ITGBL1: variants seen among roughly 807,000 people sequenced by gnomAD.
ITGBL1 encodes integrin subunit beta like 1.
ITGBL1 carries 51 observed loss-of-function variants against 68.5 expected under a neutral mutation model. That is an observed-to-expected ratio of 0.74 (90% CI 0.59 to 0.94). The LOEUF is 0.94. Ranked by LOEUF, ITGBL1 falls within the 40% of genes least tolerant of loss-of-function variation. The pLI, the probability that ITGBL1 is intolerant of heterozygous loss-of-function variation, is 0.00. For synonymous variants in ITGBL1, 209 were observed against 227.3 expected, an observed-to-expected ratio of 0.92 and a Z score of 0.72; for missense variants, 649 against 647.4, an observed-to-expected ratio of 1.00 and a Z score of -0.03.
chr13:101,526,761 T>C (rs1449699826), intron 2 of ITGBL1, among the ~76,000 whole-genome samples: 1 of 152,066 alleles, frequency 6.6e-6, no homozygotes, highest in African/African-American at 2.4e-5. Context: ...AATATATTTT[T>C]ATGTTTATTC....
rs61628015 is a variant in ITGBL1 at position 101,471,394 on chromosome 13, A to T, written c.316+17294A>T. 4.8e-3 allele frequency among the ~76,000 whole-genome samples: 728 copies of T among 152,262 alleles called. 26 individuals carry two copies. In the East Asian group the frequency reaches 0.1, roughly 22 times the overall value. On this transcript the variant is annotated intron_variant, in intron 2 of 10. Transcript: ENST00000376180. ...TTATATACTCCTCAAGGGCAGGAATAGTATCTGATTTTCTGTAAGATTTTC... is the reference window on the plus strand; with the variant it reads ...TTATATACTCCTCAAGGGCAGGAATTGTATCTGATTTTCTGTAAGATTTTC...
chr13:101,603,180 T>C (rs2030493945), intron 7 of ITGBL1, among the ~76,000 whole-genome samples: 1 of 152,000 alleles, frequency 6.6e-6, no homozygotes, highest in Non-Finnish European at 1.5e-5. Flanking sequence ...AGTACCATTT[T>C]ACATTCCACC....
intron 8 of ITGBL1, among the ~76,000 whole-genome samples, chr13:101,699,582 T>A (rs577614265): frequency 2.0e-5 from 3 of 152,202 alleles, no homozygotes; most frequent in Non-Finnish European, 4.4e-5. Context: ...CCTGCCATCA[T>A]GTGACGAAGG....
intron 7 of ITGBL1, among the ~76,000 whole-genome samples, chr13:101,598,889 T>G (rs1458861035): frequency 2.6e-5 from 4 of 152,170 alleles, no homozygotes; most frequent in Non-Finnish European, 4.4e-5. Flanking sequence ...AGTGCCGCAA[T>G]AAACATACGT....
At chr13:101,650,834 C>G (rs8001835) in intron 7 of ITGBL1, among the ~76,000 whole-genome samples, 4,982 of 152,112 alleles carry the variant, frequency 0.033, 302 homozygotes, top group African/African-American at 0.11. Context: ...TCTGCTCCCC[C>G]ACAGCCCACT....
intron 7 of ITGBL1, among the ~76,000 whole-genome samples, chr13:101,663,612 G>A (rs876100): frequency 1.3e-5 from 2 of 152,042 alleles, no homozygotes; most frequent in East Asian, 3.9e-4. Flanking sequence ...AATCCAAATT[G>A]AGGTAATGTT....
At chr13:101,665,926 C>A (rs952098428) in intron 7 of ITGBL1, among the ~76,000 whole-genome samples, 4 of 152,128 alleles carry the variant, frequency 2.6e-5, no homozygotes, top group Admixed American at 1.3e-4. Context: ...GCCTGCCTAA[C>A]CTTGGACGGA....
intron 2 of ITGBL1, among the ~76,000 whole-genome samples, chr13:101,520,090 G>A: frequency 6.6e-6 from 1 of 152,046 alleles, no homozygotes; most frequent in East Asian, 1.9e-4. Flanking sequence ...TCCAGTGAGA[G>A]GGATTTGCTG....
intron 9 of ITGBL1, chr13:101,714,175 T>C (rs1409372764): frequency 2.4e-6 from 1 of 418,348 alleles, no homozygotes; most frequent in Admixed American, 3.9e-5. Context: ...CCTGCTCTCA[T>C]TGACATTTCA....
chr13:101,556,422 A>G (rs576735945), intron 2 of ITGBL1, among the ~76,000 whole-genome samples: 3 of 152,130 alleles, frequency 2.0e-5, no homozygotes, highest in Non-Finnish European at 2.9e-5. Context: ...GGATCCCCTG[A>G]GGTCGGGAGT....
chr13:101,477,684 A>G (rs1206240979), intron 2 of ITGBL1, among the ~76,000 whole-genome samples: 1 of 152,090 alleles, frequency 6.6e-6, no homozygotes, highest in Non-Finnish European at 1.5e-5. Flanking sequence ...TGTGACTACT[A>G]TGAACAACTA....
rs145491286 is a variant in ITGBL1, at chr13:101,557,915, G to A, written c.317-9784G>A. Among the ~76,000 whole-genome samples the A allele has an allele frequency of 2.4e-4, 37 of 151,658 alleles. No individual in the cohort carries two copies. The East Asian group carries it at 6.4e-3, about 26-fold the overall frequency. On this transcript the variant is annotated intron_variant, in intron 2 of 10. Transcript: ENST00000376180. ...ACCATCCTGGCTAAAATGGTGAAACGATGTTTCTACTAAAAATACAAAAAT... is the reference window on the plus strand; with the variant it reads ...ACCATCCTGGCTAAAATGGTGAAACAATGTTTCTACTAAAAATACAAAAAT...
At chr13:101,660,384 TGGCAAATGCTGGTGG>T (rs1202136454) in intron 7 of ITGBL1, among the ~76,000 whole-genome samples, 10 of 152,104 alleles carry the variant, frequency 6.6e-5, no homozygotes, top group Admixed American at 5.2e-4. Flanking sequence ...CAGGACTGGT[TGGCAAATGCTGGTGG>T]GGCCATCCAG....
intron 8 of ITGBL1, among the ~76,000 whole-genome samples, chr13:101,697,033 G>A (rs1364190529): frequency 1.5e-5 from 2 of 135,858 alleles, no homozygotes; most frequent in Non-Finnish European, 3.0e-5. Flanking sequence ...GGAAAATATC[G>A]ATTTCATTTT....
chr13:101,666,110 A>C (rs763003947), intron 7 of ITGBL1, among the ~76,000 whole-genome samples: 1 of 152,078 alleles, frequency 6.6e-6, no homozygotes, highest in Non-Finnish European at 1.5e-5. Context: ...AGATAAACTT[A>C]TTATCTTTGG....
chr13:101,546,721 G>A (rs11838695), intron 2 of ITGBL1, among the ~76,000 whole-genome samples: 1,700 of 152,072 alleles, frequency 0.011, 31 homozygotes, highest in African/African-American at 0.038. Flanking sequence ...TAAGAATATA[G>A]CAAGCAACTT....
Position 101,582,850 on chromosome 13 carries a change from T to A in ITGBL1, c.728-366T>A, listed in dbSNP as rs2050483409. 1.3e-5 allele frequency among the ~76,000 whole-genome samples: 2 copies of A among 152,186 alleles called. 1 individual carries two copies. Among genetic ancestry groups the A allele is most frequent in the South Asian group, 4.1e-4 (2 of 4,826 alleles). On this transcript the variant is annotated intron_variant, in intron 5 of 10. Coordinates refer to ENST00000376180, the MANE Select transcript of ITGBL1 (RefSeq NM_004791.3). The stretch of plus-strand genomic sequence containing the variant: ...TAGTTTACAAAATATTTGCACATTG[T>A]TTTTAGTGTTTGTTAATTTTTCTTT...
downstream of ITGBL1, chr13:101,720,530 CTG>C (rs56200654): frequency 0.29 from 43,165 of 147,400 alleles, 6,546 homozygotes; most frequent in East Asian, 0.45. Flanking sequence ...GGTGTTTGCT[CTG>C]TGTGTGTGTG....
chr13:101,619,171 C>T (rs1363945554), intron 7 of ITGBL1, among the ~76,000 whole-genome samples: 1 of 152,040 alleles, frequency 6.6e-6, no homozygotes, highest in East Asian at 1.9e-4. Flanking sequence ...AATGACAGCA[C>T]AACAGGACAA....
Sources: gnomAD v4.1 joint callset for allele counts (sites outside exome capture counted in the v4.1 genomes callset) on GRCh38, gnomAD v4.1.1 for gene constraint, MANE v1.5 for transcripts, NCBI Gene and HGNC (gene_info 2026-07-23, HGNC 2026-07-21) for gene names.